Variants in MAML3 observed in about 807,000 individuals in gnomAD.
MAML3 encodes mastermind like transcriptional coactivator 3.
In MAML3, 27 loss-of-function variants were observed where a neutral mutation model predicts 101.9. The ratio of observed to expected loss-of-function variants is 0.27; its 90% CI spans 0.20 to 0.37. The LOEUF (loss-of-function observed/expected upper bound fraction) is 0.37, where lower values mean the gene tolerates loss of function less well. Ranked by LOEUF, MAML3 falls within the 10% of genes least tolerant of loss-of-function variation. MAML3 has a pLI of 1.00. For missense variants in MAML3, 1,316 were observed against 1,444.9 expected, an observed-to-expected ratio of 0.91 and a Z score of 1.45; for synonymous variants, 501 against 555.9, an observed-to-expected ratio of 0.90 and a Z score of 1.39.
rs1560894795 is a variant in MAML3, at chr4:140,104,406, A to AT, written c.468+48453dup. Among the ~76,000 whole-genome samples the AT allele has an allele frequency of 1.0e-3, 82 of 80,546 alleles. 1 individual carries two copies. Among genetic ancestry groups the AT allele is most frequent in the South Asian group, 1.5e-3 (5 of 3,334 alleles). 52.8% of individuals were successfully genotyped at this position (80,546 alleles called of 152,430 possible). A position where few individuals can be genotyped will look rare whatever the true frequency, so the allele number is the denominator to read the frequency against. ...ATATATATTATATATTATATAATAT[A>AT]TAATATAATATATAATATACACGAA... On this transcript the variant is annotated intron_variant, in intron 1 of 4. Transcript: ENST00000509479.
intron 1 of MAML3, among the ~76,000 whole-genome samples, chr4:139,954,838 T>C (rs1259306891): frequency 1.3e-5 from 2 of 152,146 alleles, no homozygotes; most frequent in Non-Finnish European, 2.9e-5. Flanking sequence ...GATCATAACG[T>C]AGTTTATGCA....
At position 140,153,372 on chromosome 4, in the gene MAML3, C is replaced by T. The variant is rs761712506; in HGVS notation, c.-45G>A. 6.6e-7 allele frequency: 1 copy of T among 1,514,304 alleles called. No homozygotes were observed. Among genetic ancestry groups the T allele is most frequent in the South Asian group, 1.3e-5 (1 of 74,668 alleles). 93.8% of individuals were successfully genotyped at this position (1,514,304 alleles called of 1,614,324 possible). On this transcript the variant is annotated 5_prime_UTR_variant, in exon 1 of 5. The change creates a new upstream start codon in the 5' untranslated region. Coordinates refer to ENST00000509479, the MANE Select transcript of MAML3 (RefSeq NM_018717.5). ...ATTTTGGAAGAACTTTTTTTATCCA[C>T]CCCCCTATCAGCCTCCTCCTTGGGT...
intron 2 of MAML3, among the ~76,000 whole-genome samples, chr4:139,806,630 T>C (rs923338410): frequency 6.6e-6 from 1 of 152,030 alleles, no homozygotes; most frequent in Non-Finnish European, 1.5e-5. Context: ...CAGTCAGAAA[T>C]TCCACTGAAG....
At chr4:139,907,132 T>C (rs1560832274) in intron 1 of MAML3, among the ~76,000 whole-genome samples, 1 of 152,220 alleles carries the variant, frequency 6.6e-6, no homozygotes, top group Non-Finnish European at 1.5e-5. Flanking sequence ...ACCCTGAGTG[T>C]ACACAACAGA....
chr4:139,762,907 G>C (rs547917864), intron 2 of MAML3, among the ~76,000 whole-genome samples: 4 of 152,268 alleles, frequency 2.6e-5, no homozygotes, highest in African/African-American at 9.6e-5. Flanking sequence ...TGGAGAGGGG[G>C]TGCGTGTGCA....
intron 1 of MAML3, among the ~76,000 whole-genome samples, chr4:139,894,566 A>AG: frequency 6.6e-6 from 1 of 151,872 alleles, no homozygotes; most frequent in African/African-American, 2.4e-5. Flanking sequence ...AAAGAAAGAA[A>AG]AGTAAACAGA....
At chr4:139,911,371 C>T (rs775600743) in intron 1 of MAML3, among the ~76,000 whole-genome samples, 4 of 152,072 alleles carry the variant, frequency 2.6e-5, no homozygotes, top group Non-Finnish European at 4.4e-5. Context: ...GCGCACACCA[C>T]CACACCCAGC....
intron 2 of MAML3, among the ~76,000 whole-genome samples, chr4:139,884,431 A>T (rs1329795900): frequency 6.6e-6 from 1 of 152,228 alleles, no homozygotes; most frequent in Non-Finnish European, 1.5e-5. Context: ...AAAGTAGCAG[A>T]GTCACCTATG....
chr4:139,746,829 G>C (rs1424939040), intron 2 of MAML3, among the ~76,000 whole-genome samples: 2 of 152,226 alleles, frequency 1.3e-5, no homozygotes, highest in Non-Finnish European at 1.5e-5. Flanking sequence ...AAGTAGAAGA[G>C]AGACGGATTG....
intron 1 of MAML3, among the ~76,000 whole-genome samples, chr4:140,028,825 C>T (rs17005455): frequency 1.3e-5 from 2 of 152,122 alleles, no homozygotes; most frequent in African/African-American, 2.4e-5. Context: ...CACCACTGAT[C>T]GCCATAAATA....
chr4:139,773,611 G>T (rs930849035), intron 2 of MAML3, among the ~76,000 whole-genome samples: 1 of 152,174 alleles, frequency 6.6e-6, no homozygotes, highest in African/African-American at 2.4e-5. Flanking sequence ...AAGGCTCAGC[G>T]TAAATGGGTA....
intron 1 of MAML3, among the ~76,000 whole-genome samples, chr4:139,979,435 C>T (rs1419901740): frequency 2.0e-5 from 3 of 152,182 alleles, no homozygotes; most frequent in Non-Finnish European, 4.4e-5. Flanking sequence ...CTGCTGAGCT[C>T]CTTCTATACT....
In MAML3 at chr4:139,996,618, T is replaced by A. The variant is rs183923027; in HGVS notation, c.469-105651A>T. The stretch of plus-strand genomic sequence containing the variant: ...ATTTGCATAGCAAATGATTTTTTAC[T>A]TTTTTACTTTTATACTAATATGTTT... On this transcript the variant is annotated intron_variant, in intron 1 of 4. Transcript: ENST00000509479. Among the ~76,000 whole-genome samples the A allele has an allele frequency of 2.0e-5, 3 of 152,286 alleles. No individual in the cohort carries two copies. In the East Asian group the frequency reaches 5.8e-4, roughly 29 times the overall value.
chr4:140,146,961 T>A (rs575139948), intron 1 of MAML3, among the ~76,000 whole-genome samples: 1 of 151,880 alleles, frequency 6.6e-6, no homozygotes, highest in South Asian at 2.1e-4. Flanking sequence ...TGGTGAAACC[T>A]GTCTCTACTA....
Position 139,856,509 on chromosome 4 carries a change from C to T in MAML3, c.2079+32848G>A, listed in dbSNP as rs921486931. Among the ~76,000 whole-genome samples, 4 of 152,298 alleles carry T rather than the reference C, an allele frequency of 2.6e-5. No homozygotes were observed. The South Asian group carries it at 6.2e-4, about 24-fold the overall frequency. On this transcript the variant is annotated intron_variant, in intron 2 of 4. Coordinates refer to ENST00000509479, the MANE Select transcript of MAML3 (RefSeq NM_018717.5). Reference sequence around the variant, plus strand: ...GAAAGCAGAATGAGCAGGTAGCACTCAGAGAGTCAACTGTCAGTGATCACA... The same window carrying T: ...GAAAGCAGAATGAGCAGGTAGCACTTAGAGAGTCAACTGTCAGTGATCACA...
chr4:139,993,244 C>T (rs893378307), intron 1 of MAML3, among the ~76,000 whole-genome samples: 2 of 150,750 alleles, frequency 1.3e-5, no homozygotes, highest in Non-Finnish European at 2.9e-5. Flanking sequence ...CTCAGCTGCT[C>T]GGGAGGCTGA....
At position 139,719,901 on chromosome 4, in the gene MAML3, G is replaced by C; in HGVS notation, c.2839C>G (p.Pro947Ala). 6.2e-7 allele frequency: 1 copy of C among 1,614,046 alleles called. No individual in the cohort carries two copies. Among genetic ancestry groups the C allele is most frequent in the Non-Finnish European group, 8.5e-7 (1 of 1,179,908 alleles). ...GTTCCCATAAGGCTCTGCAGCCTTG[G>C]AGGGGCTTGGGGCCTAGGCAAGGCC... Reference protein sequence around the residue: ...GQALPRPQAPPRLQSLMGTVQ... With the variant: ...GQALPRPQAPARLQSLMGTVQ... The change falls in exon 5 of 5, where the codon CCA (proline) becomes GCA (alanine). Residue 947 changes from proline to alanine, a missense_variant. Pro to Ala is a conservative substitution (Grantham distance 27). Coordinates refer to ENST00000509479, the MANE Select transcript of MAML3 (RefSeq NM_018717.5).
chr4:140,071,430 ACT>A (rs1470380031), intron 1 of MAML3, among the ~76,000 whole-genome samples: 2 of 152,102 alleles, frequency 1.3e-5, no homozygotes, highest in African/African-American at 2.4e-5. Flanking sequence ...CAGCTTTTAC[ACT>A]GAGGTGACAC....
rs1728130021 is a variant in MAML3, at chr4:139,719,398, A to G, written c.3342T>C (p.Leu1114=). The part of the protein sequence containing the change: ...SFPGLPDGAD[L]VDSIIKGGPG... Reference sequence around the variant, plus strand: ...GCCCGCCTTTGATGATGGAGTCCACAAGGTCTGCACCGTCCGGGAGGCCAG... The same window carrying G: ...GCCCGCCTTTGATGATGGAGTCCACGAGGTCTGCACCGTCCGGGAGGCCAG... The change falls in exon 5 of 5, where the codon CTT becomes CTC. Residue 1114 remains leucine, a synonymous_variant. Transcript: ENST00000509479. The G allele has an allele frequency of 6.2e-7, 1 of 1,613,804 alleles. No individual in the cohort carries two copies. Among genetic ancestry groups the G allele is most frequent in the African/African-American group, 1.3e-5 (1 of 75,016 alleles).
Sources: gnomAD v4.1 joint callset for allele counts (sites outside exome capture counted in the v4.1 genomes callset) on GRCh38, gnomAD v4.1.1 for gene constraint, MANE v1.5 for transcripts, NCBI Gene and HGNC (gene_info 2026-07-23, HGNC 2026-07-21) for gene names.